GALNT13: variants seen among roughly 807,000 people sequenced by gnomAD.
The protein encoded by GALNT13 is UDP-GalNAc:polypeptide N-acetylgalactosaminyltransferase 13.
A neutral mutation model predicts 64.2 loss-of-function variants in GALNT13; 28 were observed. The observed-to-expected ratio is 0.44, with a 90% CI of 0.32 to 0.60. The LOEUF (loss-of-function observed/expected upper bound fraction) is 0.60, where lower values mean the gene tolerates loss of function less well. Ranked by LOEUF, GALNT13 falls within the 20% of genes least tolerant of loss-of-function variation. The pLI is 0.05. For synonymous variants in GALNT13, 214 were observed against 224.6 expected, an observed-to-expected ratio of 0.95 and a Z score of 0.42; for missense variants, 577 against 669.8, an observed-to-expected ratio of 0.86 and a Z score of 1.53.
chr2:154,205,363 C>T (rs1347992413), intron 4 of GALNT13, among the ~76,000 whole-genome samples: 4 of 152,048 alleles, frequency 2.6e-5, no homozygotes, highest in South Asian at 4.2e-4. Flanking sequence ...ACTAGTTATT[C>T]GAGGGTACTG....
downstream of GALNT13, among the ~76,000 whole-genome samples, chr2:154,456,266 T>C (rs1702032217): frequency 6.6e-6 from 1 of 151,884 alleles, no homozygotes; most frequent in Non-Finnish European, 1.5e-5. Context: ...ATGTTTTAGA[T>C]ATATGCTTGG....
the GALNT13 span, among the ~76,000 whole-genome samples, chr2:153,307,824 A>G: frequency 6.6e-6 from 1 of 152,166 alleles, no homozygotes; most frequent in African/African-American, 2.4e-5. Flanking sequence ...CTGGCTGTCT[A>G]TATAAAAGAT....
chr2:153,964,620 G>A (rs564342987), intron 3 of GALNT13, among the ~76,000 whole-genome samples: 14 of 151,854 alleles, frequency 9.2e-5, no homozygotes, highest in African/African-American at 3.4e-4. Flanking sequence ...GTATGTAATT[G>A]TTACAGACTG....
the GALNT13 span, among the ~76,000 whole-genome samples, chr2:153,797,354 T>G: frequency 1.3e-5 from 2 of 152,246 alleles, no homozygotes; most frequent in African/African-American, 4.8e-5. Context: ...GACTTGGTGA[T>G]GCTCTTAGTC....
chr2:153,866,261 T>C, the GALNT13 span, among the ~76,000 whole-genome samples: 2 of 147,352 alleles, frequency 1.4e-5, no homozygotes, highest in Non-Finnish European at 3.0e-5. Flanking sequence ...TGTATACATA[T>C]GTAACTAACC....
At chr2:154,348,444 G>C (rs903560370) in intron 9 of GALNT13, among the ~76,000 whole-genome samples, 1 of 151,946 alleles carries the variant, frequency 6.6e-6, no homozygotes. Flanking sequence ...TTGGTTTTAA[G>C]TATACTTTCT....
intron 3 of GALNT13, among the ~76,000 whole-genome samples, chr2:154,127,323 C>A (rs984350643): frequency 6.6e-6 from 1 of 152,036 alleles, no homozygotes; most frequent in Non-Finnish European, 1.5e-5. Flanking sequence ...GATTTCTAGA[C>A]GTTGGAAGGC....
chr2:153,683,884 C>G, the GALNT13 span, among the ~76,000 whole-genome samples: 1 of 151,524 alleles, frequency 6.6e-6, no homozygotes, highest in East Asian at 1.9e-4. Flanking sequence ...TCATTTTAAA[C>G]CAGTGATGGC....
chr2:153,159,063 C>A, the GALNT13 span: 1 of 174,916 alleles, frequency 5.7e-6, no homozygotes, highest in African/African-American at 2.3e-5. Context: ...ATGTCTTGCT[C>A]CTCTACCACC....
chr2:153,180,703 A>ATTTTTTTTTTTTTTTTTTTTTTTTTTT, the GALNT13 span, among the ~76,000 whole-genome samples: 1 of 151,796 alleles, frequency 6.6e-6, no homozygotes, highest in African/African-American at 2.4e-5. Context: ...CTTACTCTTA[A>ATTTTTTTTTTTTTTTTTTTTTTTTTTT]TTGGTTGGTT....
chr2:153,944,771 G>T, intron 3 of GALNT13, 132 bp downstream of exon 3: 1 of 677,854 alleles, frequency 1.5e-6, no homozygotes, highest in South Asian at 2.3e-5. Context: ...CACTATTAAT[G>T]CATGTTTAAC....
intron 10 of GALNT13, among the ~76,000 whole-genome samples, chr2:154,397,173 C>T (rs895506585): frequency 2.6e-5 from 4 of 152,126 alleles, no homozygotes; most frequent in African/African-American, 9.6e-5. Context: ...CAGTGGTTCA[C>T]GACTGTAATC....
intron 4 of GALNT13, among the ~76,000 whole-genome samples, chr2:154,217,316 A>G (rs1688098379): frequency 6.6e-6 from 1 of 152,150 alleles, no homozygotes; most frequent in Admixed American, 6.6e-5. Context: ...ATTTTGAAAC[A>G]TATGAATGAG....
intron 2 of GALNT13, among the ~76,000 whole-genome samples, chr2:153,907,708 T>C (rs945435778): frequency 1.3e-5 from 2 of 152,174 alleles, no homozygotes; most frequent in Non-Finnish European, 2.9e-5. Context: ...TCCAGCTCCA[T>C]CCATGTTACT....
the GALNT13 span, among the ~76,000 whole-genome samples, chr2:153,247,501 CTACA>C: frequency 6.6e-6 from 1 of 152,170 alleles, no homozygotes; most frequent in Non-Finnish European, 1.5e-5. Flanking sequence ...AACTGCACAA[CTACA>C]TGGAAATTCA....
chr2:153,609,312 C>A, the GALNT13 span, among the ~76,000 whole-genome samples: 4 of 151,772 alleles, frequency 2.6e-5, no homozygotes, highest in Non-Finnish European at 5.9e-5. Context: ...TGACAAAGGA[C>A]GTTTGTATCT....
At chr2:153,878,746 T>C (rs1686568103) in intron 1 of GALNT13, among the ~76,000 whole-genome samples, 1 of 152,186 alleles carries the variant, frequency 6.6e-6, no homozygotes, top group South Asian at 2.1e-4. Context: ...GTTTGCTCCA[T>C]TTTTACTTCT....
chr2:154,184,029 A>G (rs1005652079), intron 4 of GALNT13, among the ~76,000 whole-genome samples: 1 of 151,830 alleles, frequency 6.6e-6, no homozygotes, highest in Admixed American at 6.6e-5. Flanking sequence ...AGAGATTCTC[A>G]CTTGTTATAA....
At chr2:153,511,702 T>C in the GALNT13 span, among the ~76,000 whole-genome samples, 1 of 152,198 alleles carries the variant, frequency 6.6e-6, no homozygotes, top group Non-Finnish European at 1.5e-5. Context: ...AGATGACTGA[T>C]TTTGCCAGGG....
Sources: allele counts gnomAD v4.1 joint callset (sites outside exome capture counted in the v4.1 genomes callset), GRCh38; gene constraint gnomAD v4.1.1; transcripts MANE v1.5; gene names NCBI Gene and HGNC (gene_info 2026-07-23, HGNC 2026-07-21).